Variants in TERF2IP observed in about 807,000 individuals in gnomAD.
The protein encoded by TERF2IP is telomeric repeat-binding factor 2-interacting protein 1.
A neutral mutation model predicts 33.3 loss-of-function variants in TERF2IP; 35 were observed. The observed-to-expected ratio is 1.05, with a 90% confidence interval of 0.80 to 1.39. The LOEUF is 1.39. Ranked by LOEUF, TERF2IP falls within the 40% of genes most tolerant of loss-of-function variation. TERF2IP has a pLI of 0.00. For missense variants in TERF2IP, 583 were observed against 524.8 expected (o/e 1.11, Z -1.08); for synonymous variants, 253 against 223.2 (o/e 1.13, Z -1.19).
chr16:75,654,937 C>A (rs1179052713), intron 2 of TERF2IP, among the ~76,000 whole-genome samples: 3 of 152,150 alleles, frequency 2.0e-5, no homozygotes, highest in Non-Finnish European at 4.4e-5. Context: ...ACTGTGTTAG[C>A]CAGGATGGCC....
At chr16:75,651,126 A>C (rs1471216837) in intron 1 of TERF2IP, among the ~76,000 whole-genome samples, 1 of 152,158 alleles carries the variant, frequency 6.6e-6, no homozygotes, top group African/African-American at 2.4e-5. Context: ...AAAAAGACAA[A>C]GAAAAAGTTT....
At chr16:75,648,711 C>T (rs1162165720) in intron 1 of TERF2IP, 159 bp downstream of exon 1, 1 of 1,431,606 alleles carries the variant, frequency 7.0e-7, no homozygotes, top group Non-Finnish European at 9.1e-7. Context: ...CTTGCCTTCT[C>T]GCTCCCTTGT....
At chr16:75,652,027 C>A (rs2082351386) in intron 1 of TERF2IP, among the ~76,000 whole-genome samples, 1 of 152,108 alleles carries the variant, frequency 6.6e-6, no homozygotes, top group Non-Finnish European at 1.5e-5. Context: ...CTTTGGGGGG[C>A]ATTTTGACAA....
In TERF2IP at chr16:75,656,252, G is replaced by A; in HGVS notation, c.841G>A (p.Asp281Asn). Residue 281 changes from aspartate to asparagine, a missense_variant, in exon 3 of 3, where the codon GAT (aspartate) becomes AAT (asparagine). By Grantham distance (23) the Asp-to-Asn change is conservative. Transcript: ENST00000300086. ...PDFEIHITMC[D>N]DDPPTPEEDS... is the part of the protein sequence containing the mutation. ...TTTTGAAATACATATAACTATGTGT[G>A]ATGATGATCCACCCACACCTGAGGA... 1 of 1,613,996 alleles carries A rather than the reference G, an allele frequency of 6.2e-7. No homozygotes were observed. Among genetic ancestry groups the A allele is most frequent in the South Asian group, 1.1e-5 (1 of 91,070 alleles).
Position 75,656,684 on chromosome 16 carries a change from TTA to T in TERF2IP, c.*74_*75del. Reference sequence around the variant, plus strand: ...TAAAAAAAATTGTGACCAATGAACTTTAGAGAGTTCTTGCATTGGAACTGGCA... The same window carrying T: ...TAAAAAAAATTGTGACCAATGAACTTGAGAGTTCTTGCATTGGAACTGGCA... On this transcript the variant is annotated 3_prime_UTR_variant, in exon 3 of 3. Coordinates refer to ENST00000300086, the MANE Select transcript of TERF2IP (RefSeq NM_018975.4). 1 of 1,410,168 alleles carries T rather than the reference TTA, an allele frequency of 7.1e-7. No homozygotes were observed. Among genetic ancestry groups the T allele is most frequent in the Non-Finnish European group, 9.6e-7 (1 of 1,039,008 alleles). 87.4% of individuals were successfully genotyped at this position (1,410,168 alleles called of 1,614,324 possible).
chr16:75,654,701 A>G (rs1008501040), intron 2 of TERF2IP, among the ~76,000 whole-genome samples: 3 of 152,194 alleles, frequency 2.0e-5, no homozygotes, highest in African/African-American at 4.8e-5. Flanking sequence ...TTTAATGTCA[A>G]TATATTTTTC....
chr16:75,653,193 T>C (rs61675014), intron 1 of TERF2IP, among the ~76,000 whole-genome samples: 7,632 of 152,280 alleles, frequency 0.05, 637 homozygotes, highest in African/African-American at 0.17. Context: ...TTTCCATCTT[T>C]TGTTTATTTT....
Position 75,647,864 on chromosome 16 carries a change from G to C in TERF2IP, c.-19G>C, listed in dbSNP as rs1341749485. 6.2e-7 allele frequency: 1 copy of C among 1,601,774 alleles called. No individual in the cohort carries two copies. The highest frequency in any genetic ancestry group is 8.5e-7 in the Non-Finnish European group (1 of 1,171,816). On this transcript the variant is annotated 5_prime_UTR_variant, in exon 1 of 3. Coordinates refer to ENST00000300086, the MANE Select transcript of TERF2IP (RefSeq NM_018975.4). ...CGCTCGCGAGGGGGTAGCTCTTCTA[G>C]TAGTGCTCGGCGTCAGACATGGCGG...
At chr16:75,655,979 TCA>T (rs954058604) in intron 2 of TERF2IP, among the ~76,000 whole-genome samples, 4 of 151,950 alleles carry the variant, frequency 2.6e-5, no homozygotes, top group African/African-American at 7.3e-5. Flanking sequence ...CCCCTACCCC[TCA>T]CACACACGTG....
Position 75,656,764 on chromosome 16 carries a change from C to T in TERF2IP, c.*153C>T. On this transcript the variant is annotated 3_prime_UTR_variant, in exon 3 of 3. Transcript: ENST00000300086. ...CTCTGTGAGTCCTAGATTTTTGTAG[C>T]CAAGCAGAGTTGTAGAGGGGGATAA... 1 of 699,806 alleles carries T rather than the reference C, an allele frequency of 1.4e-6. No homozygotes were observed. The highest frequency in any genetic ancestry group is 3.1e-5 in the Admixed American group (1 of 32,388). The allele number at this position is 699,806 out of a possible 1,614,324, so 43.3% of individuals were successfully genotyped here. A position where few individuals can be genotyped will look rare whatever the true frequency, so the allele number is the denominator to read the frequency against.
intron 1 of TERF2IP, among the ~76,000 whole-genome samples, chr16:75,650,944 A>G (rs2151818119): frequency 6.6e-6 from 1 of 152,354 alleles, no homozygotes; most frequent in East Asian, 1.9e-4. Context: ...ATCTTTTGAT[A>G]ATCAGATATT....
Position 75,648,147 on chromosome 16 carries a change from G to T in TERF2IP, c.265G>T (p.Glu89Ter). 6.4e-7 allele frequency: 1 copy of T among 1,564,136 alleles called. No homozygotes were observed. Among genetic ancestry groups the T allele is most frequent in the Admixed American group, 1.9e-5 (1 of 51,618 alleles). Reference protein sequence around the residue: ...ISTQYILDCVERNERLELEAY... With the variant: ...ISTQYILDCV Reference sequence around the variant, plus strand: ...CACGCAGTACATCCTGGACTGCGTGGAGCGCAACGAGAGGCTGGAGCTGGA... The same window carrying T: ...CACGCAGTACATCCTGGACTGCGTGTAGCGCAACGAGAGGCTGGAGCTGGA... The change falls in exon 1 of 3, where the codon GAG (glutamate) becomes TAG (stop). Residue 89 changes from glutamate (E) to a stop codon, truncating the protein, a stop_gained. Coordinates refer to ENST00000300086, the MANE Select transcript of TERF2IP (RefSeq NM_018975.4). LOFTEE classifies it high-confidence loss of function.
chr16:75,653,392 T>C (rs1055354338), intron 1 of TERF2IP, among the ~76,000 whole-genome samples: 2 of 152,260 alleles, frequency 1.3e-5, no homozygotes, highest in African/African-American at 4.8e-5. Context: ...CTGTACTCTT[T>C]TCCAGTTATA....
In TERF2IP at chr16:75,649,054, T is replaced by TG. The variant is rs557506524; in HGVS notation, c.670+507dup. Among the ~76,000 whole-genome samples the TG allele has an allele frequency of 1.6e-3, 236 of 151,510 alleles. 3 individuals are homozygous for TG. In the South Asian group the frequency reaches 0.048, roughly 31 times the overall value. On this transcript the variant is annotated intron_variant, in intron 1 of 2. Transcript: ENST00000300086. ...ATTAAAAAAAAAATTGTTGTAGAGATGGGGGTCTCGTTGTGTTGCCCTGAC... is the reference window on the plus strand; with the variant it reads ...ATTAAAAAAAAAATTGTTGTAGAGATGGGGGGTCTCGTTGTGTTGCCCTGAC...
intron 1 of TERF2IP, among the ~76,000 whole-genome samples, chr16:75,652,686 A>T (rs1396193115): frequency 2.0e-5 from 3 of 152,332 alleles, no homozygotes; most frequent in East Asian, 3.8e-4. Flanking sequence ...TATGCATTTT[A>T]AAAACTTTAT....
At position 75,648,045 on chromosome 16, in the gene TERF2IP, CG is replaced by C; in HGVS notation, c.164del (p.Arg55GlnfsTer88). The C allele has an allele frequency of 1.2e-6, 2 of 1,607,712 alleles. No individual in the cohort carries two copies. The highest frequency in any genetic ancestry group is 1.7e-6 in the Non-Finnish European group (2 of 1,177,316). On this transcript the variant is annotated frameshift_variant, in exon 1 of 3. Transcript: ENST00000300086. LOFTEE classifies it high-confidence loss of function. ...LILHGGGTVCRVQEPGAVLLA... is the reference protein window; with the variant it reads ...LILHGGGTVCXVQEPGAVLLA... ...CCTGCACGGCGGCGGCACCGTGTGC[CG>C]AGTGCAGGAGCCCGGGGCCGTGCTG...
intron 2 of TERF2IP, among the ~76,000 whole-genome samples, chr16:75,655,633 A>T (rs1176798194): frequency 6.6e-6 from 1 of 152,206 alleles, no homozygotes; most frequent in Admixed American, 6.5e-5. Context: ...AACATGACCT[A>T]CCTAGGCCTC....
intron 1 of TERF2IP, among the ~76,000 whole-genome samples, chr16:75,652,320 G>A (rs2082353697): frequency 6.6e-6 from 1 of 152,130 alleles, no homozygotes; most frequent in African/African-American, 2.4e-5. Flanking sequence ...GTGTTTGTGT[G>A]TCTGCACAAA....
chr16:75,656,394 A>G lies in TERF2IP; in HGVS notation c.983A>G (p.Asp328Gly), dbSNP rs2151820801. 1 of 1,614,190 alleles carries G rather than the reference A, an allele frequency of 6.2e-7. No homozygotes were observed. Among genetic ancestry groups the G allele is most frequent in the Non-Finnish European group, 8.5e-7 (1 of 1,180,022 alleles). ...IRQLMEKFNL[D>G]LSTVTQAFLK... ...CAGTTAATGGAGAAGTTTAACTTGG[A>G]TCTATCAACAGTTACACAGGCCTTC... The change falls in exon 3 of 3, where the codon GAT becomes GGT. Residue 328 changes from aspartate to glycine, a missense_variant. Asp to Gly is a moderately conservative substitution (Grantham distance 94). Coordinates refer to ENST00000300086, the MANE Select transcript of TERF2IP (RefSeq NM_018975.4).
Sources: allele counts gnomAD v4.1 joint callset (sites outside exome capture counted in the v4.1 genomes callset), GRCh38; gene constraint gnomAD v4.1.1; transcripts MANE v1.5; gene names NCBI Gene and HGNC (gene_info 2026-07-23, HGNC 2026-07-21).